The following SCD5 variants were observed in gnomAD, a reference collection of about 807,000 sequenced individuals.
SCD5 encodes stearoyl-CoA desaturase 5, also known as acyl-CoA-desaturase 4.
In SCD5, 20 loss-of-function variants were observed where a neutral mutation model predicts 30.4. That is an observed-to-expected ratio of 0.66 (90% CI 0.46 to 0.96). The LOEUF (loss-of-function observed/expected upper bound fraction) is 0.96. Among genes scored for constraint, SCD5 ranks in the 40% least tolerant of loss-of-function variants. The probability of loss-of-function intolerance (pLI) is 0.00; values close to 1 mark genes in which losing one functional copy is unlikely to be tolerated. For synonymous variants in SCD5, 173 were observed against 176.4 expected, an observed-to-expected ratio of 0.98 and a Z score of 0.16; for missense variants, 381 against 443.3, an observed-to-expected ratio of 0.86 and a Z score of 1.26.
intron 1 of SCD5, among the ~76,000 whole-genome samples, chr4:82,756,502 G>T (rs1721236800): frequency 6.6e-6 from 1 of 152,150 alleles, no homozygotes; most frequent in Admixed American, 6.5e-5. Flanking sequence ...GAGGCAGGTG[G>T]ATCACTTGAG....
chr4:82,700,061 G>T (rs535685395), intron 2 of SCD5, among the ~76,000 whole-genome samples: 1 of 151,710 alleles, frequency 6.6e-6, no homozygotes, highest in Non-Finnish European at 1.5e-5. Flanking sequence ...TACTAAAAAT[G>T]CAAAAACAAG....
chr4:82,712,448 G>A (rs1177934127), intron 1 of SCD5, among the ~76,000 whole-genome samples: 1 of 149,586 alleles, frequency 6.7e-6, no homozygotes, highest in Non-Finnish European at 1.5e-5. Context: ...CTCCTGAGTA[G>A]CTGGGATTAC....
At chr4:82,710,412 G>C (rs930446710) in intron 1 of SCD5, among the ~76,000 whole-genome samples, 1 of 152,132 alleles carries the variant, frequency 6.6e-6, no homozygotes, top group Non-Finnish European at 1.5e-5. Flanking sequence ...TGAACTCAGA[G>C]TCCTGTTCAC....
Position 82,709,610 on chromosome 4 carries a change from T to G in SCD5, c.233-4197A>C, listed in dbSNP as rs1272330958. Among the ~76,000 whole-genome samples the G allele has an allele frequency of 2.6e-5, 4 of 152,152 alleles. No individual in the cohort carries two copies. The East Asian group carries it at 7.7e-4, about 29-fold the overall frequency. On this transcript the variant is annotated intron_variant, in intron 1 of 4. Coordinates refer to ENST00000319540, the MANE Select transcript of SCD5 (RefSeq NM_001037582.3). ...AGGAGGCAAGATCAGGCAGAGGGAC[T>G]CACAGATGCAAAGCCCTCAGGTTGG...
At chr4:82,671,852 G>GC (rs1413870508) in intron 3 of SCD5, among the ~76,000 whole-genome samples, 1 of 152,166 alleles carries the variant, frequency 6.6e-6, no homozygotes, top group Non-Finnish European at 1.5e-5. Flanking sequence ...CTGCACTCCA[G>GC]CCTGGGTAAC....
At chr4:82,751,728 G>A (rs1217487230) in intron 1 of SCD5, among the ~76,000 whole-genome samples, 7 of 152,206 alleles carry the variant, frequency 4.6e-5, no homozygotes, top group African/African-American at 1.7e-4. Context: ...CCTGGTTCAA[G>A]CAATTCTCCT....
At position 82,730,444 on chromosome 4, in the gene SCD5, A is replaced by C. The variant is rs988529810; in HGVS notation, c.233-25031T>G. Among the ~76,000 whole-genome samples, 13 of 148,126 alleles carry C rather than the reference A, an allele frequency of 8.8e-5. No individual in the cohort carries two copies. In the East Asian group the frequency reaches 1.2e-3, roughly 14 times the overall value. The stretch of plus-strand genomic sequence containing the variant: ...CCCAGGTAGCTGGGATTACAGGCGC[A>C]TGCCACTATGCCTGGCTAATTTTTT... On this transcript the variant is annotated intron_variant, in intron 1 of 4. Coordinates refer to ENST00000319540, the MANE Select transcript of SCD5 (RefSeq NM_001037582.3).
chr4:82,689,202 C>T (rs951379137), intron 2 of SCD5, among the ~76,000 whole-genome samples: 4 of 152,050 alleles, frequency 2.6e-5, no homozygotes, highest in South Asian at 2.1e-4. Flanking sequence ...GAAAAGTACA[C>T]GGGGAGCTCA....
intron 2 of SCD5, among the ~76,000 whole-genome samples, chr4:82,689,976 A>C (rs2148823801): frequency 6.6e-6 from 1 of 152,368 alleles, no homozygotes; most frequent in East Asian, 1.9e-4. Context: ...TTAATTGGCC[A>C]GTACATTTCA....
intron 2 of SCD5, among the ~76,000 whole-genome samples, chr4:82,681,554 C>G (rs1045962249): frequency 2.0e-5 from 3 of 152,144 alleles, no homozygotes; most frequent in African/African-American, 7.2e-5. Flanking sequence ...CCGAATACCA[C>G]TGTCCTCACA....
rs1174755925 is a variant in SCD5, at chr4:82,630,809, A to C, written c.*518T>G. ...GGACAGAGCGAGCCTCCGTCTCAAAAAAAAAAAAGTTTTTTTCGGCAGGGT... is the reference window on the plus strand; with the variant it reads ...GGACAGAGCGAGCCTCCGTCTCAAACAAAAAAAAGTTTTTTTCGGCAGGGT... On this transcript the variant is annotated 3_prime_UTR_variant, in exon 5 of 5. Coordinates refer to ENST00000319540, the MANE Select transcript of SCD5 (RefSeq NM_001037582.3). 2.0e-5 allele frequency: 3 copies of C among 152,006 alleles called. No homozygotes were observed. Among genetic ancestry groups the C allele is most frequent in the African/African-American group, 7.3e-5 (3 of 41,340 alleles). 9.4% of individuals were successfully genotyped at this position (152,006 alleles called of 1,614,324 possible). A position where few individuals can be genotyped will look rare whatever the true frequency, so the allele number is the denominator to read the frequency against.
rs540155921 is a variant in SCD5 at position 82,636,713 on chromosome 4, C to T, written c.680G>A (p.Arg227His). ...GCTGATGTTGAGTGAGATGGTATAG[C>T]GGAGAATAGAGGCCAAGAAGTAGGA... ...WNSYFLASIL[R>H]YTISLNISWL... Residue 227 changes from arginine (R) to histidine (H), a missense_variant, in exon 4 of 5, where the codon CGC (arginine) becomes CAC (histidine). Physicochemically the swap from Arg to His is conservative, Grantham distance 29. Transcript: ENST00000319540. The T allele has an allele frequency of 5.6e-6, 9 of 1,614,162 alleles. No homozygotes were observed. The highest frequency in any genetic ancestry group is 3.3e-5 in the South Asian group (3 of 91,082).
chr4:82,755,189 C>T lies in SCD5; in HGVS notation c.232+43117G>A, dbSNP rs1168461989. On this transcript the variant is annotated intron_variant, in intron 1 of 4. Transcript: ENST00000319540. ...AAGGAGAAAATGGGTAGGAGAATGTCGAAAAAATTAGGAGAGATGAAAGAA... is the reference window on the plus strand; with the variant it reads ...AAGGAGAAAATGGGTAGGAGAATGTTGAAAAAATTAGGAGAGATGAAAGAA... Among the ~76,000 whole-genome samples, 6 of 151,944 alleles carry T rather than the reference C, an allele frequency of 3.9e-5. No individual in the cohort carries two copies. In the East Asian group the frequency reaches 7.7e-4, roughly 20 times the overall value.
chr4:82,710,803 G>GGAGA (rs1225512926), intron 1 of SCD5, among the ~76,000 whole-genome samples: 15 of 151,724 alleles, frequency 9.9e-5, no homozygotes, highest in Admixed American at 7.2e-4. Flanking sequence ...TGTTGGAGAG[G>GGAGA]GAGAGAGGGA....
chr4:82,678,708 T>C (rs1223747611), intron 3 of SCD5, among the ~76,000 whole-genome samples: 1 of 152,198 alleles, frequency 6.6e-6, no homozygotes, highest in Non-Finnish European at 1.5e-5. Flanking sequence ...AAATTACATA[T>C]GCGATACGAC....
intron 1 of SCD5, among the ~76,000 whole-genome samples, chr4:82,739,041 T>G (rs913695321): frequency 6.6e-6 from 1 of 152,196 alleles, no homozygotes; most frequent in Non-Finnish European, 1.5e-5. Context: ...AGTGTGCTAT[T>G]TTTAAATATA....
At chr4:82,781,762 G>A (rs1363765927) in intron 1 of SCD5, among the ~76,000 whole-genome samples, 2 of 152,150 alleles carry the variant, frequency 1.3e-5, no homozygotes, top group Admixed American at 6.5e-5. Context: ...CAACAAGAAG[G>A]CCCTCACCAA....
At chr4:82,767,102 G>C (rs1182450548) in intron 1 of SCD5, among the ~76,000 whole-genome samples, 2 of 152,132 alleles carry the variant, frequency 1.3e-5, no homozygotes, top group African/African-American at 4.8e-5. Context: ...AGACCTGTGG[G>C]GTTGTTCCCT....
chr4:82,669,638 T>C (rs1011102834), intron 3 of SCD5, among the ~76,000 whole-genome samples: 3 of 151,650 alleles, frequency 2.0e-5, no homozygotes, highest in African/African-American at 7.3e-5. Flanking sequence ...TCATAGGGAG[T>C]CCCCCATGCT....
Sources: gnomAD v4.1 joint callset for allele counts (sites outside exome capture counted in the v4.1 genomes callset) on GRCh38, gnomAD v4.1.1 for gene constraint, MANE v1.5 for transcripts, NCBI Gene and HGNC (gene_info 2026-07-23, HGNC 2026-07-21) for gene names.